TANC2: variants seen among roughly 807,000 people sequenced by gnomAD.
TANC2 encodes protein TANC2.
TANC2 carries 26 observed loss-of-function variants against 210.5 expected under a neutral mutation model. The observed-to-expected ratio is 0.12, with a 90% CI of 0.09 to 0.17. The LOEUF (loss-of-function observed/expected upper bound fraction) is 0.17, where lower values mean the gene tolerates loss of function less well. Ranked by LOEUF, TANC2 falls within the 10% of genes least tolerant of loss-of-function variation. The probability of loss-of-function intolerance (pLI) is 1.00; values close to 1 mark genes in which losing one functional copy is unlikely to be tolerated. For synonymous variants in TANC2, 931 were observed against 967.1 expected (o/e 0.96, Z 0.69); for missense variants, 2,129 against 2,608.9 (o/e 0.82, Z 4.01).
Position 63,412,511 on chromosome 17 carries a change from C to A in TANC2, c.3899-169C>A, listed in dbSNP as rs2048735290. Among the ~76,000 whole-genome samples the A allele has an allele frequency of 6.6e-6, 1 of 152,216 alleles. No homozygotes were observed. The highest frequency in any genetic ancestry group is 1.5e-5 in the Non-Finnish European group (1 of 68,036). On this transcript the variant is annotated intron_variant, in intron 23 of 27. Coordinates refer to ENST00000689528, the Ensembl canonical transcript of TANC2. This position sits in a 1 kb window ranked among gnomAD's most constrained non-coding sequence, Gnocchi z 4.2. ...CTTCAGACTCAAGTCCCTGCTGCCGCTGTCCCAGCTGCTCCCCAAGCCCAC... is the reference window on the plus strand; with the variant it reads ...CTTCAGACTCAAGTCCCTGCTGCCGATGTCCCAGCTGCTCCCCAAGCCCAC...
At chr17:63,264,511 G>A (rs368743259) in intron 8 of TANC2, among the ~76,000 whole-genome samples, 13 of 152,218 alleles carry the variant, frequency 8.5e-5, no homozygotes, top group African/African-American at 3.1e-4. Flanking sequence ...CCTCGCCTTT[G>A]CAAGGAGAAA....
chr17:63,389,856 G>A (rs1167166661), intron 17 of TANC2: 1 of 346,372 alleles, frequency 2.9e-6, no homozygotes. Context: ...ACAAAGAGAG[G>A]AAGGAGAAGT....
At chr17:63,277,319 C>T (rs1315229734) in intron 9 of TANC2, among the ~76,000 whole-genome samples, 1 of 148,558 alleles carries the variant, frequency 6.7e-6, no homozygotes, top group Non-Finnish European at 1.5e-5. Context: ...TTCCGGGGTG[C>T]GTGTGAAGGT....
chr17:63,279,577 A>G (rs966559601), intron 9 of TANC2, among the ~76,000 whole-genome samples: 3 of 152,094 alleles, frequency 2.0e-5, no homozygotes, highest in Admixed American at 6.6e-5. Context: ...AGTAAAAGGA[A>G]AAAGCTCTAA....
At chr17:63,376,975 G>T (rs1272483621) in intron 14 of TANC2, among the ~76,000 whole-genome samples, 2 of 152,088 alleles carry the variant, frequency 1.3e-5, no homozygotes, top group Non-Finnish European at 2.9e-5. Context: ...CCACCACCAT[G>T]CCCAGCTAAT....
intron 11 of TANC2, among the ~76,000 whole-genome samples, chr17:63,322,175 G>GT (rs1393289940): frequency 6.6e-6 from 1 of 151,976 alleles, no homozygotes; most frequent in East Asian, 1.9e-4. Flanking sequence ...AGACATCTCT[G>GT]TTTTTTTCTA....
At chr17:63,291,970 C>T (rs2044395650) in intron 9 of TANC2, among the ~76,000 whole-genome samples, 1 of 152,142 alleles carries the variant, frequency 6.6e-6, no homozygotes, top group South Asian at 2.1e-4. Flanking sequence ...AAGTTTCTAT[C>T]TTGGAAGACC....
At chr17:63,065,378 G>A (rs2036158729) in intron 2 of TANC2, among the ~76,000 whole-genome samples, 1 of 152,194 alleles carries the variant, frequency 6.6e-6, no homozygotes, top group Non-Finnish European at 1.5e-5. Context: ...GCGAGAGAGT[G>A]CAGATATCTT....
intron 5 of TANC2, among the ~76,000 whole-genome samples, chr17:63,168,456 T>C (rs2040291122): frequency 6.6e-6 from 1 of 152,202 alleles, no homozygotes. Flanking sequence ...TTCTGTTCTC[T>C]GGACCCTTCA....
At chr17:63,305,082 C>T (rs1468530204) in intron 9 of TANC2, among the ~76,000 whole-genome samples, 3 of 152,222 alleles carry the variant, frequency 2.0e-5, no homozygotes, top group Non-Finnish European at 4.4e-5. Context: ...CAGGCAGCTG[C>T]AGCCGTGGTG....
chr17:63,379,780 A>G, exon 15 of TANC2: 1 of 1,613,230 alleles, frequency 6.2e-7, no homozygotes, highest in Non-Finnish European at 8.5e-7. Context: ...AACCGACAGC[A>G]GACTATTGAA....
chr17:63,229,584 A>C lies in TANC2; in HGVS notation c.770-8230A>C, dbSNP rs111332773. Among the ~76,000 whole-genome samples, 1,081 of 141,810 alleles carry C rather than the reference A, an allele frequency of 7.6e-3. 10 individuals carry two copies. The highest frequency in any genetic ancestry group is 0.027 in the African/African-American group (1,032 of 38,712). 93.0% of individuals were successfully genotyped at this position (141,810 alleles called of 152,430 possible). On this transcript the variant is annotated intron_variant, in intron 7 of 27. Coordinates refer to ENST00000689528, the Ensembl canonical transcript of TANC2. ...TTTTTTTTTTTTTGGTTGGTAGGCTATTTATTACTATAGGCTATTTATTAC... is the reference window on the plus strand; with the variant it reads ...TTTTTTTTTTTTTGGTTGGTAGGCTCTTTATTACTATAGGCTATTTATTAC...
chr17:63,170,050 C>T (rs531220441), intron 5 of TANC2, among the ~76,000 whole-genome samples: 8 of 151,022 alleles, frequency 5.3e-5, no homozygotes, highest in South Asian at 4.2e-4. Context: ...ACCCAGGAGG[C>T]GGCACTTGCA....
At chr17:63,110,952 T>G (rs920748986) in intron 4 of TANC2, among the ~76,000 whole-genome samples, 1 of 152,214 alleles carries the variant, frequency 6.6e-6, no homozygotes, top group Non-Finnish European at 1.5e-5. Flanking sequence ...TTGACTACTC[T>G]GAGTATGTTT....
In TANC2 at chr17:63,267,745, C is replaced by A; in HGVS notation, c.1034-3C>A. 6.2e-7 allele frequency: 1 copy of A among 1,610,006 alleles called. No individual in the cohort carries two copies. Among genetic ancestry groups the A allele is most frequent in the South Asian group, 1.1e-5 (1 of 90,542 alleles). ...TTCTAACTAAACTTTTCTTTCTTGT[C>A]AGCCACCAGCTCTGCCCACTTGGAA... On this transcript the variant is annotated splice_polypyrimidine_tract_variant and splice_region_variant and intron_variant, in intron 8 of 27. Transcript: ENST00000689528.
intron 2 of TANC2, among the ~76,000 whole-genome samples, chr17:63,028,394 A>G (rs1302891093): frequency 1.3e-5 from 2 of 152,174 alleles, no homozygotes; most frequent in African/African-American, 4.8e-5. Flanking sequence ...TTTTACATGT[A>G]TGCCTCCACA....
chr17:63,231,754 A>G (rs1567836749), intron 7 of TANC2, among the ~76,000 whole-genome samples: 1 of 152,072 alleles, frequency 6.6e-6, no homozygotes, highest in Non-Finnish European at 1.5e-5. Context: ...TGATCTTCTC[A>G]TGGAGTATCT....
intron 18 of TANC2, chr17:63,397,080 G>A (rs896960191): frequency 6.6e-6 from 1 of 152,002 alleles, no homozygotes; most frequent in East Asian, 1.9e-4. Context: ...TTGGAGACCA[G>A]CCTGGCCAAC....
chr17:63,299,479 A>G (rs537110304), intron 9 of TANC2, among the ~76,000 whole-genome samples: 1 of 147,526 alleles, frequency 6.8e-6, no homozygotes, highest in South Asian at 2.2e-4. Flanking sequence ...CTGGCATGAG[A>G]TGGTATCTCA....
Sources: gnomAD v4.1 joint callset for allele counts (sites outside exome capture counted in the v4.1 genomes callset) on GRCh38, gnomAD v4.1.1 for gene constraint, Gnocchi (gnomAD v3.1) non-coding constraint, MANE v1.5 for transcripts, NCBI Gene and HGNC (gene_info 2026-07-23, HGNC 2026-07-21) for gene names.